The following CSRNP3 variants were observed in gnomAD, a reference collection of about 807,000 sequenced individuals.
CSRNP3 encodes the protein cysteine/serine-rich nuclear protein 3.
A neutral mutation model predicts 48.0 loss-of-function variants in CSRNP3; 12 were observed. That is an observed-to-expected ratio of 0.25 (90% CI 0.16 to 0.41). The LOEUF is 0.41. CSRNP3 is among the 10% of genes least tolerant of loss of function. CSRNP3 has a pLI of 1.00. For synonymous variants in CSRNP3, 263 were observed against 269.7 expected (o/e 0.98, Z 0.24); for missense variants, 580 against 724.4 (o/e 0.80, Z 2.29).
chr2:165,669,119 T>A (rs71426774), intron 5 of CSRNP3, among the ~76,000 whole-genome samples: 1 of 152,198 alleles, frequency 6.6e-6, no homozygotes, highest in Non-Finnish European at 1.5e-5. Context: ...ATCATCATCC[T>A]TATTATAATA....
intron 3 of CSRNP3, among the ~76,000 whole-genome samples, chr2:165,562,221 G>C (rs996602070): frequency 6.6e-6 from 1 of 152,162 alleles, no homozygotes; most frequent in South Asian, 2.1e-4. Flanking sequence ...CACAGAACTG[G>C]TCTTGGACAG....
At chr2:165,626,247 AAG>A (rs1686433937) in intron 4 of CSRNP3, among the ~76,000 whole-genome samples, 1 of 151,986 alleles carries the variant, frequency 6.6e-6, no homozygotes, top group Non-Finnish European at 1.5e-5. Context: ...GAGAAGAGAG[AAG>A]AGATAGTGAA....
rs185720096 is a variant in CSRNP3, at chr2:165,663,376, C to A, written c.408+5356C>A. 1.8e-3 allele frequency among the ~76,000 whole-genome samples: 275 copies of A among 152,278 alleles called. 2 individuals carry two copies. Among genetic ancestry groups the A allele is most frequent in the African/African-American group, 6.3e-3 (260 of 41,552 alleles). On this transcript the variant is annotated intron_variant, in intron 5 of 6. Transcript: ENST00000651982. ...TGCCACAGCATACTTAGTGTCAGAGCTTCCGGAATGCATCCCCAAATGGAG... is the reference window on the plus strand; with the variant it reads ...TGCCACAGCATACTTAGTGTCAGAGATTCCGGAATGCATCCCCAAATGGAG...
chr2:165,516,391 G>A (rs1684582716), intron 2 of CSRNP3, among the ~76,000 whole-genome samples: 1 of 151,986 alleles, frequency 6.6e-6, no homozygotes, highest in Non-Finnish European at 1.5e-5. Context: ...ACCTAAAATT[G>A]TACGGCAAGG....
chr2:165,658,854 C>A (rs576964224), intron 5 of CSRNP3, among the ~76,000 whole-genome samples: 1 of 152,218 alleles, frequency 6.6e-6, no homozygotes, highest in African/African-American at 2.4e-5. Context: ...GTCCCTGCCA[C>A]AACACATGGG....
At chr2:165,563,673 G>A (rs147961589) in intron 3 of CSRNP3, among the ~76,000 whole-genome samples, 2 of 152,230 alleles carry the variant, frequency 1.3e-5, no homozygotes, top group African/African-American at 4.8e-5. Context: ...AAGAAAGCAC[G>A]AGTTCAGCTG....
intron 4 of CSRNP3, among the ~76,000 whole-genome samples, chr2:165,656,948 G>C (rs1687015142): frequency 6.6e-6 from 1 of 152,182 alleles, no homozygotes; most frequent in Non-Finnish European, 1.5e-5. Context: ...GTTATCTGCA[G>C]TTTTGATTTC....
rs1017961613 is a variant in CSRNP3, at chr2:165,685,664, T to C, written c.*5911T>C. 1.3e-5 allele frequency: 2 copies of C among 152,104 alleles called. No homozygotes were observed. Among genetic ancestry groups the C allele is most frequent in the Admixed American group, 1.3e-4 (2 of 15,234 alleles). The allele number at this position is 152,104 out of a possible 1,614,324, so 9.4% of individuals were successfully genotyped here. A position where few individuals can be genotyped will look rare whatever the true frequency, so the allele number is the denominator to read the frequency against. ...CTTTCTTTTACTTGTGATAAATATA[T>C]CACTATACAGGGTAATTGCTTTTAT... On this transcript the variant is annotated 3_prime_UTR_variant, in exon 7 of 7. Coordinates refer to ENST00000651982, the MANE Select transcript of CSRNP3 (RefSeq NM_001172173.2).
intron 4 of CSRNP3, among the ~76,000 whole-genome samples, chr2:165,641,219 A>G (rs1420379745): frequency 1.3e-5 from 2 of 152,182 alleles, no homozygotes; most frequent in African/African-American, 4.8e-5. Flanking sequence ...CACCAGTTCT[A>G]GTTTATCTTT....
intron 5 of CSRNP3, 29 bp from the exon 6 acceptor site, chr2:165,676,283 G>A: frequency 6.3e-7 from 1 of 1,596,740 alleles, no homozygotes; most frequent in Non-Finnish European, 8.6e-7. Flanking sequence ...CCCTTAATGA[G>A]TCTCTTATTT....
intron 3 of CSRNP3, among the ~76,000 whole-genome samples, chr2:165,563,362 T>A (rs1180404052): frequency 6.6e-6 from 1 of 152,148 alleles, no homozygotes; most frequent in Non-Finnish European, 1.5e-5. Context: ...GACTGCTAAG[T>A]GTTCAAACTG....
At chr2:165,539,556 T>G (rs1031556157) in intron 3 of CSRNP3, among the ~76,000 whole-genome samples, 2 of 152,122 alleles carry the variant, frequency 1.3e-5, no homozygotes, top group East Asian at 3.8e-4. Context: ...GGCTTTAGTC[T>G]GTTCCATAAT....
intron 3 of CSRNP3, among the ~76,000 whole-genome samples, chr2:165,549,938 C>G (rs1685076824): frequency 6.6e-6 from 1 of 152,138 alleles, no homozygotes; most frequent in Non-Finnish European, 1.5e-5. Flanking sequence ...TTTCTGTAGT[C>G]TGTTGCACCT....
rs1022561903 is a variant in CSRNP3 at position 165,685,584 on chromosome 2, G to C, written c.*5831G>C. ...GGAATTTTAGTAAATACAGATACTT[G>C]TTGTATCCATGGGAAATGAGGTCAT... On this transcript the variant is annotated 3_prime_UTR_variant, in exon 7 of 7. Transcript: ENST00000651982. The C allele has an allele frequency of 3.3e-5, 5 of 152,056 alleles. No individual in the cohort carries two copies. The highest frequency in any genetic ancestry group is 6.6e-5 in the Admixed American group (1 of 15,232). 9.4% of individuals were successfully genotyped at this position (152,056 alleles called of 1,614,324 possible).
intron 3 of CSRNP3, among the ~76,000 whole-genome samples, chr2:165,562,664 T>C (rs1465698274): frequency 1.3e-5 from 2 of 152,172 alleles, no homozygotes; most frequent in Non-Finnish European, 2.9e-5. Context: ...AAAAGCACTT[T>C]CACAAAAACT....
At chr2:165,602,233 A>G (rs1685927691) in intron 4 of CSRNP3, among the ~76,000 whole-genome samples, 1 of 152,126 alleles carries the variant, frequency 6.6e-6, no homozygotes, top group South Asian at 2.1e-4. Context: ...AGCCTGTAAT[A>G]ATATGCTTAT....
chr2:165,488,503 G>C (rs2105454650), intron 1 of CSRNP3, among the ~76,000 whole-genome samples: 1 of 128,086 alleles, frequency 7.8e-6, no homozygotes, highest in Non-Finnish European at 1.6e-5. Flanking sequence ...ATTTTTTTCA[G>C]CACCACACCA....
At chr2:165,494,614 T>C (rs1684262259) in intron 1 of CSRNP3, 145 bp from the exon 2 acceptor site, 1 of 152,604 alleles carries the variant, frequency 6.6e-6, no homozygotes, top group South Asian at 2.1e-4. Flanking sequence ...TTCAATGCTT[T>C]CCAACATTAT....
At chr2:165,625,236 A>C (rs529475004) in intron 4 of CSRNP3, among the ~76,000 whole-genome samples, 5 of 152,298 alleles carry the variant, frequency 3.3e-5, no homozygotes, top group African/African-American at 1.2e-4. Flanking sequence ...TGGATATGGC[A>C]GGGAGTGAGA....
Sources: allele counts gnomAD v4.1 joint callset (sites outside exome capture counted in the v4.1 genomes callset), GRCh38; gene constraint gnomAD v4.1.1; transcripts MANE v1.5; gene names NCBI Gene and HGNC (gene_info 2026-07-23, HGNC 2026-07-21).